SPAG17: variants seen among roughly 807,000 people sequenced by gnomAD.
The protein encoded by SPAG17 is sperm-associated antigen 17.
A neutral mutation model predicts 273.6 loss-of-function variants in SPAG17; 169 were observed. The observed-to-expected ratio is 0.62, with a 90% CI of 0.55 to 0.70. The LOEUF (loss-of-function observed/expected upper bound fraction) is 0.70. SPAG17 is among the 30% of genes least tolerant of loss of function. The pLI is 0.00. For synonymous variants in SPAG17, 825 were observed against 873.2 expected (o/e 0.94, Z 0.97); for missense variants, 2,557 against 2,627.8 (o/e 0.97, Z 0.59).
intron 15 of SPAG17, among the ~76,000 whole-genome samples, chr1:118,080,085 T>A (rs1369413440): frequency 6.6e-6 from 1 of 152,148 alleles, no homozygotes; most frequent in Non-Finnish European, 1.5e-5. Flanking sequence ...TATTTTTCTT[T>A]ATAGAGGTGA....
chr1:117,971,674 G>A (rs764044819), intron 45 of SPAG17, 189 bp downstream of exon 45: 6 of 461,232 alleles, frequency 1.3e-5, no homozygotes, highest in South Asian at 1.1e-4. Context: ...ATTGGAACCC[G>A]ATAAACACTC....
At chr1:118,118,185 C>G (rs1314231553) in intron 3 of SPAG17, among the ~76,000 whole-genome samples, 1 of 152,154 alleles carries the variant, frequency 6.6e-6, no homozygotes, top group African/African-American at 2.4e-5. Flanking sequence ...TACCTTTTCA[C>G]ATAACATCTC....
At chr1:118,081,676 GTTCTTA>G (rs762662181) in intron 13 of SPAG17, 34 bp from the exon 14 acceptor site, 1 of 1,554,170 alleles carries the variant, frequency 6.4e-7, no homozygotes, top group Non-Finnish European at 8.9e-7. Flanking sequence ...TGCTGGAAAT[GTTCTTA>G]TTAGCACATG....
chr1:118,165,895 G>A (rs778864596), intron 1 of SPAG17, among the ~76,000 whole-genome samples: 6 of 151,944 alleles, frequency 3.9e-5, no homozygotes, highest in Non-Finnish European at 7.4e-5. Flanking sequence ...CACCCGCCTC[G>A]GCCTCCCAAA....
chr1:117,964,106 A>C, intron 47 of SPAG17, 168 bp from the exon 48 acceptor site: 2 of 631,218 alleles, frequency 3.2e-6, no homozygotes, highest in South Asian at 2.2e-5. Flanking sequence ...GGGTTAGAGG[A>C]TGGATATGCC....
At chr1:118,180,923 A>C (rs2102410601) in intron 1 of SPAG17, among the ~76,000 whole-genome samples, 1 of 152,196 alleles carries the variant, frequency 6.6e-6, no homozygotes, top group South Asian at 2.1e-4. Context: ...GAGTTAAAGA[A>C]AAATGTATAA....
chr1:117,997,566 T>TA (rs11428560), intron 32 of SPAG17, among the ~76,000 whole-genome samples: 64,066 of 123,198 alleles, frequency 0.52, 15,626 homozygotes, highest in African/African-American at 0.62. Flanking sequence ...GAATGAGAAG[T>TA]AAAAAAAAAA....
chr1:118,172,353 G>A (rs539785264), intron 1 of SPAG17, among the ~76,000 whole-genome samples: 165 of 152,270 alleles, frequency 1.1e-3, no homozygotes, highest in African/African-American at 3.9e-3. Flanking sequence ...AATGAATACT[G>A]GAGTAGTGGG....
intron 1 of SPAG17, among the ~76,000 whole-genome samples, chr1:118,157,055 A>G (rs557926075): frequency 2.1e-3 from 317 of 152,232 alleles, no homozygotes; most frequent in African/African-American, 7.3e-3. Flanking sequence ...AACTCTCTTC[A>G]GTGTGATTGC....
chr1:118,060,440 C>T (rs373872093), intron 18 of SPAG17, among the ~76,000 whole-genome samples: 3 of 152,030 alleles, frequency 2.0e-5, no homozygotes, highest in South Asian at 4.1e-4. Context: ...CAACATTTTA[C>T]GTTATTGACA....
intron 46 of SPAG17, among the ~76,000 whole-genome samples, chr1:117,968,661 G>A (rs1184316245): frequency 6.6e-6 from 1 of 152,164 alleles, no homozygotes; most frequent in Non-Finnish European, 1.5e-5. Context: ...CTGCTTGATG[G>A]CATAGTCGTG....
chr1:118,170,599 T>A (rs1335255121), intron 1 of SPAG17, among the ~76,000 whole-genome samples: 9 of 152,202 alleles, frequency 5.9e-5, no homozygotes, highest in Admixed American at 5.9e-4. Flanking sequence ...TGAAATGAAA[T>A]AAACATCATT....
chr1:118,064,163 T>C (rs573516150), intron 18 of SPAG17, among the ~76,000 whole-genome samples: 3 of 152,308 alleles, frequency 2.0e-5, no homozygotes, highest in East Asian at 3.9e-4. Flanking sequence ...TCAACCATTG[T>C]GGAAGTCAGT....
intron 43 of SPAG17, among the ~76,000 whole-genome samples, chr1:117,976,414 C>T (rs1479821473): frequency 6.6e-6 from 1 of 152,166 alleles, no homozygotes; most frequent in Non-Finnish European, 1.5e-5. Context: ...TATTTATTTC[C>T]CCATTGAGGA....
At chr1:118,039,083 A>G (rs1352132517) in intron 23 of SPAG17, among the ~76,000 whole-genome samples, 1 of 152,182 alleles carries the variant, frequency 6.6e-6, no homozygotes, top group African/African-American at 2.4e-5. Context: ...TGCTATAAAA[A>G]ATAAAGTCTG....
In SPAG17 at chr1:117,994,533, G is replaced by A; in HGVS notation, c.5054-3C>T. The A allele has an allele frequency of 6.2e-7, 1 of 1,602,416 alleles. No homozygotes were observed. The highest frequency in any genetic ancestry group is 8.5e-7 in the Non-Finnish European group (1 of 1,175,840). On this transcript the variant is annotated splice_region_variant and splice_polypyrimidine_tract_variant and intron_variant, in intron 34 of 48. Transcript: ENST00000336338. ...AAGGACTGTGATGGTTAGGGTGCCT[G>A]GTTCAAAGAAAGTTGTCAGAAGACC... is the stretch of plus-strand genomic sequence containing the variant.
At chr1:118,011,821 G>A (rs1414078742) in intron 30 of SPAG17, among the ~76,000 whole-genome samples, 2 of 151,770 alleles carry the variant, frequency 1.3e-5, no homozygotes, top group Non-Finnish European at 2.9e-5. Context: ...GGTGCTGCTG[G>A]TCAAAAAAAA....
chr1:117,955,370 C>T (rs1269964153), intron 48 of SPAG17: 1 of 1,610,262 alleles, frequency 6.2e-7, no homozygotes, highest in African/African-American at 1.3e-5. Flanking sequence ...TGAGTGAGTC[C>T]TTGCGCACAA....
chr1:118,139,510 C>A (rs1168143187), intron 3 of SPAG17, among the ~76,000 whole-genome samples: 1 of 152,156 alleles, frequency 6.6e-6, no homozygotes, highest in Non-Finnish European at 1.5e-5. Context: ...GGTGTCTGCA[C>A]CTCCATGTTC....
Sources: allele counts gnomAD v4.1 joint callset (sites outside exome capture counted in the v4.1 genomes callset), GRCh38; gene constraint gnomAD v4.1.1; transcripts MANE v1.5; gene names NCBI Gene and HGNC (gene_info 2026-07-23, HGNC 2026-07-21).